The following ITGB8 variants were observed in gnomAD, a reference collection of about 807,000 sequenced individuals.
ITGB8 encodes the protein integrin subunit beta 8.
In ITGB8, 30 loss-of-function variants were observed where a neutral mutation model predicts 89.5. That is an observed-to-expected ratio of 0.34 (90% CI 0.25 to 0.45). ITGB8 has a LOEUF of 0.45. Ranked by LOEUF, ITGB8 falls within the 20% of genes least tolerant of loss-of-function variation. The pLI is 1.00. For synonymous variants in ITGB8, 335 were observed against 320.4 expected (o/e 1.05, Z -0.49); for missense variants, 836 against 933.3 (o/e 0.90, Z 1.36).
intron 7 of ITGB8, among the ~76,000 whole-genome samples, chr7:20,393,660 C>G (rs1786955293): frequency 6.6e-6 from 1 of 152,228 alleles, no homozygotes; most frequent in African/African-American, 2.4e-5. Flanking sequence ...TCTCATCCCT[C>G]CAGCCATGCT....
chr7:20,399,798 C>A (rs952349290), intron 9 of ITGB8, among the ~76,000 whole-genome samples: 3 of 152,072 alleles, frequency 2.0e-5, no homozygotes, highest in Admixed American at 6.5e-5. Flanking sequence ...AGATTTCCAA[C>A]CCCTTTTAAT....
chr7:20,334,925 A>G (rs1475592581), intron 1 of ITGB8, among the ~76,000 whole-genome samples: 1 of 152,182 alleles, frequency 6.6e-6, no homozygotes, highest in Non-Finnish European at 1.5e-5. Flanking sequence ...TATTAACCCT[A>G]TGATTTTTTA....
rs1167112898 is a variant in ITGB8 at position 20,386,259 on chromosome 7, G to C, written c.960+4374G>C. ...TATGAGAACATTTTTTTTTTTTTGA[G>C]ACGGAATCTCACTGTGTCGCCCAGG... On this transcript the variant is annotated intron_variant, in intron 6 of 13. Transcript: ENST00000222573. Among the ~76,000 whole-genome samples, 5 of 88,764 alleles carry C rather than the reference G, an allele frequency of 5.6e-5. No homozygotes were observed. The South Asian group carries it at 1.5e-3, about 26-fold the overall frequency. 58.2% of individuals were successfully genotyped at this position (88,764 alleles called of 152,430 possible).
intron 1 of ITGB8, among the ~76,000 whole-genome samples, chr7:20,346,408 T>G (rs1441254105): frequency 6.6e-6 from 1 of 152,156 alleles, no homozygotes; most frequent in Non-Finnish European, 1.5e-5. Context: ...GTGCAGAGCC[T>G]TCTAGGGATT....
chr7:20,361,972 T>C (rs1785518712), intron 1 of ITGB8, among the ~76,000 whole-genome samples: 1 of 152,154 alleles, frequency 6.6e-6, no homozygotes, highest in Admixed American at 6.5e-5. Context: ...GGACAAGGCA[T>C]AGAAGGAGAT....
intron 1 of ITGB8, among the ~76,000 whole-genome samples, chr7:20,357,861 T>C (rs1419724025): frequency 6.6e-6 from 1 of 152,178 alleles, no homozygotes; most frequent in Non-Finnish European, 1.5e-5. Flanking sequence ...AATCCAGAAA[T>C]AGAATTACTT....
chr7:20,353,656 G>A (rs1042910957), intron 1 of ITGB8, among the ~76,000 whole-genome samples: 16 of 147,294 alleles, frequency 1.1e-4, no homozygotes, highest in Admixed American at 4.6e-4. Context: ...GTAATCGGCC[G>A]GGCGCGGTGG....
intron 1 of ITGB8, among the ~76,000 whole-genome samples, chr7:20,351,158 T>C (rs559854477): frequency 2.0e-5 from 3 of 152,248 alleles, no homozygotes; most frequent in Non-Finnish European, 2.9e-5. Flanking sequence ...ATACTACTTG[T>C]ATTAAAGAAT....
intron 3 of ITGB8, among the ~76,000 whole-genome samples, chr7:20,371,264 A>T (rs1426174290): frequency 6.6e-6 from 1 of 152,208 alleles, no homozygotes; most frequent in African/African-American, 2.4e-5. Context: ...AAGTATACAT[A>T]AATATGATTA....
chr7:20,401,271 G>T (rs367984358), intron 9 of ITGB8, among the ~76,000 whole-genome samples: 1 of 152,126 alleles, frequency 6.6e-6, no homozygotes, highest in South Asian at 2.1e-4. Flanking sequence ...GAGCCACCAC[G>T]CCAGGCCTCA....
intron 1 of ITGB8, among the ~76,000 whole-genome samples, chr7:20,340,942 A>T (rs1279291215): frequency 6.6e-6 from 1 of 152,212 alleles, no homozygotes. Context: ...GTCTTTTCTA[A>T]TTGCCTGCTG....
intron 1 of ITGB8, among the ~76,000 whole-genome samples, chr7:20,345,299 A>T (rs1784885986): frequency 6.6e-6 from 1 of 152,222 alleles, no homozygotes. Flanking sequence ...AAGTGTGTGG[A>T]AAGTACCATT....
Position 20,412,044 on chromosome 7 carries a change from A to T in ITGB8, c.*2047A>T, listed in dbSNP as rs1323623291. The T allele has an allele frequency of 6.6e-6, 1 of 152,632 alleles. No homozygotes were observed. Among genetic ancestry groups the T allele is most frequent in the Non-Finnish European group, 1.5e-5 (1 of 68,046 alleles). 9.5% of individuals were successfully genotyped at this position (152,632 alleles called of 1,614,324 possible). On this transcript the variant is annotated 3_prime_UTR_variant, in exon 14 of 14. Coordinates refer to ENST00000222573, the MANE Select transcript of ITGB8 (RefSeq NM_002214.3). ...TCTTTTTTTTTATAATAAACTTCCA[A>T]GATTTGCTGTCTTCCAGCACTTGAG...
intron 1 of ITGB8, among the ~76,000 whole-genome samples, chr7:20,359,674 A>AGT (rs965238325): frequency 6.9e-6 from 1 of 144,556 alleles, no homozygotes; most frequent in African/African-American, 2.4e-5. Flanking sequence ...GGAAGGAGAG[A>AGT]GAGTGTGTGT....
chr7:20,330,535 G>A (rs1360371288), upstream of ITGB8, among the ~76,000 whole-genome samples: 1 of 152,178 alleles, frequency 6.6e-6, no homozygotes, highest in Non-Finnish European at 1.5e-5. Context: ...TTCCTGTTGC[G>A]CGGCTACGCT....
rs145246655 is a variant in ITGB8 at position 20,404,629 on chromosome 7, G to C, written c.1689G>C (p.Gly563=). 6 of 1,613,124 alleles carry C rather than the reference G, an allele frequency of 3.7e-6. No individual in the cohort carries two copies. Among genetic ancestry groups the C allele is most frequent in the African/African-American group, 1.3e-5 (1 of 75,026 alleles). ...CPYHHGNLCA[G]HGECEAGRCQ... is the part of the protein sequence containing the mutation. ...GGTCCTGCGGTGTCTTCCTCACAGG[G>C]CATGGAGAGTGTGAAGCAGGCAGAT... Residue 563 remains glycine, a splice_region_variant and synonymous_variant, in exon 11 of 14, where the codon GGG becomes GGC. Coordinates refer to ENST00000222573, the MANE Select transcript of ITGB8 (RefSeq NM_002214.3).
At chr7:20,359,370 C>T (rs1002644905) in intron 1 of ITGB8, among the ~76,000 whole-genome samples, 5 of 152,206 alleles carry the variant, frequency 3.3e-5, no homozygotes, top group African/African-American at 1.2e-4. Context: ...CATATTGCAA[C>T]ATCACTAGGC....
In ITGB8 at chr7:20,391,482, A is replaced by G. The variant is rs1455583671; in HGVS notation, c.1040A>G (p.Gln347Arg). Residue 347 changes from glutamine to arginine, a missense_variant, in exon 7 of 14, where the codon CAA (glutamine) becomes CGA (arginine). By Grantham distance (43) the Gln-to-Arg change is conservative (BLOSUM62 1). This residue lies in a region of ITGB8 where 192 missense variants were observed against 267.1 expected (regional missense o/e 0.72). Coordinates refer to ENST00000222573, the MANE Select transcript of ITGB8 (RefSeq NM_002214.3). ...INVIFAVQGK[Q>R]FHWYKDLLPL... Reference sequence around the variant, plus strand: ...GTCATCTTTGCAGTTCAAGGAAAACAATTTCATTGGTATAAGGTATGTTAA... The same window carrying G: ...GTCATCTTTGCAGTTCAAGGAAAACGATTTCATTGGTATAAGGTATGTTAA... 1.9e-6 allele frequency: 3 copies of G among 1,578,382 alleles called. No homozygotes were observed. The highest frequency in any genetic ancestry group is 2.6e-6 in the Non-Finnish European group (3 of 1,153,820).
chr7:20,402,802 G>C (rs972453700), intron 10 of ITGB8, among the ~76,000 whole-genome samples: 3 of 151,982 alleles, frequency 2.0e-5, no homozygotes. Context: ...ATCACTCTTG[G>C]GCCATTCAAT....
Sources: gnomAD v4.1 joint callset for allele counts (sites outside exome capture counted in the v4.1 genomes callset) on GRCh38, gnomAD v4.1.1 for gene constraint, gnomAD v4.1.1 regional missense constraint, MANE v1.5 for transcripts, NCBI Gene and HGNC (gene_info 2026-07-23, HGNC 2026-07-21) for gene names.